Variants in CSTL1 observed in about 807,000 individuals in gnomAD.
CSTL1 encodes the protein cystatin-like 1.
In CSTL1, 14 loss-of-function variants were observed where a neutral mutation model predicts 14.4. The observed-to-expected ratio is 0.97, with a 90% CI of 0.64 to 1.52. CSTL1 has a LOEUF of 1.52. Ranked by LOEUF, CSTL1 falls within the 40% of genes most tolerant of loss-of-function variation. CSTL1 has a pLI of 0.00. For synonymous variants in CSTL1, 72 were observed against 67.5 expected (o/e 1.07, Z -0.33); for missense variants, 170 against 168.7 (o/e 1.01, Z -0.04).
the CSTL1 span, chr20:23,452,539 G>A: frequency 4.0e-6 from 5 of 1,258,400 alleles, no homozygotes; most frequent in East Asian, 6.9e-5. Context: ...GCCACCCGAT[G>A]TGGGCGTATC....
At chr20:23,455,013 T>G in the CSTL1 span, among the ~76,000 whole-genome samples, 2 of 152,256 alleles carry the variant, frequency 1.3e-5, no homozygotes, top group Admixed American at 1.3e-4. Flanking sequence ...CAAAGAGTCA[T>G]TTTTGCCTTA....
the CSTL1 span, among the ~76,000 whole-genome samples, chr20:23,460,539 C>A: frequency 6.6e-6 from 1 of 152,072 alleles, no homozygotes; most frequent in Non-Finnish European, 1.5e-5. Flanking sequence ...AGGAAAATGG[C>A]GAGACAAGTC....
the CSTL1 span, chr20:23,452,526 G>T: frequency 9.1e-7 from 1 of 1,096,696 alleles, no homozygotes; most frequent in Non-Finnish European, 1.4e-6. Context: ...CCTGACACCA[G>T]TGGCCACCCG....
chr20:23,445,038 A>G, downstream of CSTL1: 1 of 647,254 alleles, frequency 1.5e-6, no homozygotes, highest in Non-Finnish European at 2.8e-6. Flanking sequence ...CACACACACA[A>G]TGCTCATACT....
chr20:23,441,634 A>G (rs756572371), intron 2 of CSTL1, among the ~76,000 whole-genome samples: 1 of 152,260 alleles, frequency 6.6e-6, no homozygotes, highest in Non-Finnish European at 1.5e-5. Context: ...AATGCTATGT[A>G]GATAATTATT....
chr20:23,449,825 G>A (rs906360506), downstream of CSTL1, among the ~76,000 whole-genome samples: 3 of 152,148 alleles, frequency 2.0e-5, no homozygotes, highest in East Asian at 1.9e-4. Flanking sequence ...CCTCCTTCAC[G>A]GGGGGCACAT....
At chr20:23,455,554 C>G in the CSTL1 span, among the ~76,000 whole-genome samples, 1 of 152,198 alleles carries the variant, frequency 6.6e-6, no homozygotes, top group Non-Finnish European at 1.5e-5. Context: ...TCCCTCCTGT[C>G]AATGTCTGTG....
At chr20:23,448,624 A>G (rs1006808282), downstream of CSTL1, among the ~76,000 whole-genome samples, 1 of 152,226 alleles carries the variant, frequency 6.6e-6, no homozygotes, top group Non-Finnish European at 1.5e-5. Context: ...AAAAACTTCA[A>G]AGAAAGCCCC....
At chr20:23,450,381 GA>G in the CSTL1 span, 7 of 626,376 alleles carry the variant, frequency 1.1e-5, no homozygotes, top group South Asian at 6.6e-5. Flanking sequence ...AAAAGAAAAA[GA>G]AAAAAAGTGG....
chr20:23,446,922 G>C (rs564095730), downstream of CSTL1, among the ~76,000 whole-genome samples: 1 of 152,266 alleles, frequency 6.6e-6, no homozygotes, highest in East Asian at 1.9e-4. Context: ...TGGAGGAAGA[G>C]AGTTAAAGGA....
chr20:23,454,049 C>T, the CSTL1 span, among the ~76,000 whole-genome samples: 1 of 151,324 alleles, frequency 6.6e-6, no homozygotes, highest in Non-Finnish European at 1.5e-5. Flanking sequence ...CACAGATGCA[C>T]AACACACACA....
chr20:23,444,087 A>G (rs1986909767), intron 3 of CSTL1, 43 bp downstream of exon 3: 1 of 1,554,700 alleles, frequency 6.4e-7, no homozygotes, highest in Non-Finnish European at 8.9e-7. Flanking sequence ...TGAAGTGAAT[A>G]TTTTAAAAAG....
chr20:23,442,907 G>C (rs1986868483), intron 2 of CSTL1, among the ~76,000 whole-genome samples: 1 of 152,180 alleles, frequency 6.6e-6, no homozygotes, highest in African/African-American at 2.4e-5. Flanking sequence ...ACCCGACAGG[G>C]AACCGTAACC....
chr20:23,451,772 C>T, the CSTL1 span: 1 of 1,427,158 alleles, frequency 7.0e-7, no homozygotes, highest in Non-Finnish European at 9.8e-7. Context: ...AAAAACCTCA[C>T]TGAAAAGGAC....
At chr20:23,445,510 C>T (rs1234369020), downstream of CSTL1, among the ~76,000 whole-genome samples, 1 of 152,212 alleles carries the variant, frequency 6.6e-6, no homozygotes, top group African/African-American at 2.4e-5. Context: ...CCTCCTGCCT[C>T]AGTCTCCCAA....
At chr20:23,440,556 G>A in intron 2 of CSTL1, 70 bp downstream of exon 2, 1 of 1,209,724 alleles carries the variant, frequency 8.3e-7, no homozygotes. Context: ...GAGGATTCTG[G>A]GGTAGCTCCC....
rs1986790819 is a variant in CSTL1, at chr20:23,440,164, G to A, written c.-104G>A. ...TGCAGGCAGGCCATCCCCCAGGAAA[G>A]CCTATGTTGGTGAGGGTTATGATGG... is the stretch of plus-strand genomic sequence containing the variant. On this transcript the variant is annotated 5_prime_UTR_variant, in exon 2 of 4. Coordinates refer to ENST00000347397, the MANE Select transcript of CSTL1 (RefSeq NM_138283.1). The A allele has an allele frequency of 8.6e-7, 1 of 1,164,512 alleles. No individual in the cohort carries two copies. The highest frequency in any genetic ancestry group is 1.3e-6 in the Non-Finnish European group (1 of 793,938). The allele number at this position is 1,164,512 out of a possible 1,614,324, so 72.1% of individuals were successfully genotyped here.
At chr20:23,445,379 A>G (rs1231219991), downstream of CSTL1, among the ~76,000 whole-genome samples, 2 of 151,988 alleles carry the variant, frequency 1.3e-5, no homozygotes, top group Non-Finnish European at 2.9e-5. Context: ...TAGCCTCCCA[A>G]GTAGCTGAGA....
At chr20:23,445,246 T>C (rs950857044), downstream of CSTL1, among the ~76,000 whole-genome samples, 2 of 150,294 alleles carry the variant, frequency 1.3e-5, no homozygotes, top group Non-Finnish European at 3.0e-5. Flanking sequence ...TTTTTTTTTT[T>C]TTTGAGACAC....
Sources: allele counts gnomAD v4.1 joint callset (sites outside exome capture counted in the v4.1 genomes callset), GRCh38; gene constraint gnomAD v4.1.1; transcripts MANE v1.5; gene names NCBI Gene and HGNC (gene_info 2026-07-23, HGNC 2026-07-21).